SNX27: variants seen among roughly 807,000 people sequenced by gnomAD.
SNX27 encodes sorting nexin-27.
Under a neutral mutation model 71.6 loss-of-function variants are expected in SNX27, and 22 were observed. The ratio of observed to expected loss-of-function variants is 0.31; its 90% confidence interval spans 0.22 to 0.44. SNX27 has a LOEUF of 0.44. Among genes scored for constraint, SNX27 ranks in the 20% least tolerant of loss-of-function variants. The pLI, the probability that SNX27 is intolerant of heterozygous loss-of-function variation, is 1.00. For synonymous variants in SNX27, 269 were observed against 277.2 expected, an observed-to-expected ratio of 0.97 and a Z score of 0.29; for missense variants, 531 against 698.6, an observed-to-expected ratio of 0.76 and a Z score of 2.70.
chr1:151,622,151 T>C (rs1404791214), intron 1 of SNX27, among the ~76,000 whole-genome samples: 5 of 152,234 alleles, frequency 3.3e-5, no homozygotes, highest in Non-Finnish European at 4.4e-5. Flanking sequence ...TGCTCAAATT[T>C]AATTTGGATT....
intron 2 of SNX27, among the ~76,000 whole-genome samples, chr1:151,642,030 T>G (rs1295345610): frequency 6.8e-6 from 1 of 147,678 alleles, no homozygotes; most frequent in African/African-American, 2.5e-5. Flanking sequence ...ATATGAGATA[T>G]ATATATATCA....
chr1:151,674,389 A>G (rs1164699043), intron 7 of SNX27, among the ~76,000 whole-genome samples: 1 of 152,144 alleles, frequency 6.6e-6, no homozygotes, highest in Admixed American at 6.5e-5. Context: ...TACTATTTAT[A>G]TATACCTTAT....
At chr1:151,662,490 C>CT (rs967596771) in intron 5 of SNX27, 765 of 281,164 alleles carry the variant, frequency 2.7e-3, no homozygotes, top group East Asian at 4.3e-3. Context: ...TTAACGCCTC[C>CT]TTTTTTTTTG....
intron 5 of SNX27, among the ~76,000 whole-genome samples, chr1:151,664,932 T>C (rs1340595513): frequency 6.6e-6 from 1 of 152,228 alleles, no homozygotes; most frequent in East Asian, 1.9e-4. Context: ...GAAAGCATTT[T>C]AATTTCTATC....
At chr1:151,657,037 A>G (rs1669728465) in intron 2 of SNX27, among the ~76,000 whole-genome samples, 1 of 152,252 alleles carries the variant, frequency 6.6e-6, no homozygotes, top group Admixed American at 6.5e-5. Context: ...TCAGAGAAAC[A>G]GGGACATAAG....
At chr1:151,619,791 C>T (rs1325804124) in intron 1 of SNX27, among the ~76,000 whole-genome samples, 2 of 152,088 alleles carry the variant, frequency 1.3e-5, no homozygotes, top group African/African-American at 4.8e-5. Flanking sequence ...AGTTTGGTTC[C>T]ACAAGTAAGC....
At chr1:151,685,142 G>A (rs1481986473) in intron 8 of SNX27, among the ~76,000 whole-genome samples, 1 of 151,860 alleles carries the variant, frequency 6.6e-6, no homozygotes, top group Non-Finnish European at 1.5e-5. Context: ...AAAAATTTGA[G>A]GTACTTGTAA....
chr1:151,660,768 T>C, intron 3 of SNX27, 30 bp from the exon 4 acceptor site: 1 of 1,555,414 alleles, frequency 6.4e-7, no homozygotes, highest in South Asian at 1.1e-5. Flanking sequence ...TTTAAGGCCT[T>C]ATGCCAGATT....
At chr1:151,645,090 G>GACC (rs144624881) in intron 2 of SNX27, among the ~76,000 whole-genome samples, 3,065 of 152,250 alleles carry the variant, frequency 0.02, 104 homozygotes, top group African/African-American at 0.069. Flanking sequence ...GTGAGCCCTT[G>GACC]ACCAGGGTCA....
chr1:151,684,095 G>A (rs534209859), intron 8 of SNX27, among the ~76,000 whole-genome samples: 31 of 152,218 alleles, frequency 2.0e-4, no homozygotes, highest in African/African-American at 7.2e-4. Context: ...AACATTAGGA[G>A]TTATTTTAGT....
chr1:151,632,197 G>A (rs191154015), intron 1 of SNX27, among the ~76,000 whole-genome samples: 86 of 148,202 alleles, frequency 5.8e-4, no homozygotes, highest in Middle Eastern at 7.0e-3. Context: ...TGCTCTTGTT[G>A]CCCAGGCTGG....
intron 3 of SNX27, chr1:151,659,487 T>C (rs558911420): frequency 1.3e-5 from 2 of 152,540 alleles, no homozygotes; most frequent in African/African-American, 4.8e-5. Flanking sequence ...CCTCAGGTGA[T>C]CCGCCCGTCT....
chr1:151,682,045 TTTGCTA>T lies in SNX27; in HGVS notation c.1150-1308_1150-1303del, dbSNP rs529933070. On this transcript the variant is annotated intron_variant, in intron 7 of 11. Transcript: ENST00000458013. Reference sequence around the variant, plus strand: ...TATATCACTGTCTGTACCATACATGTTTGCTATTTCATTGTAATGCAGCATTATATA... The same window carrying T: ...TATATCACTGTCTGTACCATACATGTTTTCATTGTAATGCAGCATTATATA... Among the ~76,000 whole-genome samples, 584 of 152,346 alleles carry T rather than the reference TTTGCTA, an allele frequency of 3.8e-3. 7 individuals are homozygous for T. The highest frequency in any genetic ancestry group is 0.013 in the African/African-American group (523 of 41,574).
intron 2 of SNX27, among the ~76,000 whole-genome samples, chr1:151,656,970 T>G (rs1204783670): frequency 6.6e-6 from 1 of 152,092 alleles, no homozygotes; most frequent in African/African-American, 2.4e-5. Flanking sequence ...GCAAAAAATA[T>G]ATAAAAAGAA....
chr1:151,630,365 T>G (rs1668168552), intron 1 of SNX27, among the ~76,000 whole-genome samples: 1 of 152,186 alleles, frequency 6.6e-6, no homozygotes, highest in Admixed American at 6.5e-5. Flanking sequence ...CCATCTCATA[T>G]TCTAGATGAT....
At chr1:151,693,984 C>T in intron 11 of SNX27, 1 of 1,224,244 alleles carries the variant, frequency 8.2e-7, no homozygotes, top group Non-Finnish European at 1.0e-6. Context: ...TACTTATTCT[C>T]AAAGAAAATC....
chr1:151,645,872 G>T (rs958138516), intron 2 of SNX27, among the ~76,000 whole-genome samples: 2 of 152,194 alleles, frequency 1.3e-5, no homozygotes, highest in Non-Finnish European at 2.9e-5. Flanking sequence ...CCTGCTTTTA[G>T]TGTGTAATTC....
chr1:151,638,153 C>T (rs1322225649), intron 1 of SNX27, among the ~76,000 whole-genome samples: 1 of 152,140 alleles, frequency 6.6e-6, no homozygotes, highest in Non-Finnish European at 1.5e-5. Flanking sequence ...AGTAGGCTGA[C>T]CATATAATTA....
At chr1:151,636,443 G>A (rs1441943517) in intron 1 of SNX27, among the ~76,000 whole-genome samples, 1 of 152,032 alleles carries the variant, frequency 6.6e-6, no homozygotes, top group Non-Finnish European at 1.5e-5. Context: ...TGGAACTATA[G>A]GCACGTGCCA....
Sources: allele counts gnomAD v4.1 joint callset (sites outside exome capture counted in the v4.1 genomes callset), GRCh38; gene constraint gnomAD v4.1.1; transcripts MANE v1.5; gene names NCBI Gene and HGNC (gene_info 2026-07-23, HGNC 2026-07-21).